The following NDUFAF6 variants were observed in gnomAD, a reference collection of about 807,000 sequenced individuals.
NDUFAF6 encodes NADH dehydrogenase (ubiquinone) complex I, assembly factor 6.
In NDUFAF6, 45 loss-of-function variants were observed where a neutral mutation model predicts 40.8. The observed-to-expected ratio is 1.10, with a 90% CI of 0.87 to 1.42. The LOEUF (loss-of-function observed/expected upper bound fraction) is 1.42, where lower values mean the gene tolerates loss of function less well. Ranked by LOEUF, NDUFAF6 falls within the 40% of genes most tolerant of loss-of-function variation. The probability of loss-of-function intolerance (pLI) is 0.00; values close to 1 mark genes in which losing one functional copy is unlikely to be tolerated. For missense variants in NDUFAF6, 435 were observed against 418.5 expected (o/e 1.04, Z -0.34); for synonymous variants, 185 against 155.9 (o/e 1.19, Z -1.39).
intron 1 of NDUFAF6, chr8:94,940,267 C>G (rs1344178282): frequency 6.5e-7 from 1 of 1,538,266 alleles, no homozygotes; most frequent in Non-Finnish European, 8.7e-7. Flanking sequence ...TTGAAGAGTC[C>G]CACAGGAGGA....
chr8:95,115,357 A>AT (rs1810110119), intron 4 of NDUFAF6, among the ~76,000 whole-genome samples: 1 of 152,172 alleles, frequency 6.6e-6, no homozygotes, highest in Admixed American at 6.5e-5. Context: ...TCCACTTACT[A>AT]TGCTATTTCT....
At chr8:94,984,468 C>G (rs970348135) in intron 2 of NDUFAF6, among the ~76,000 whole-genome samples, 3 of 152,140 alleles carry the variant, frequency 2.0e-5, no homozygotes, top group African/African-American at 7.2e-5. Flanking sequence ...TGTGTAATAT[C>G]ACTTTACTCA....
At chr8:94,928,346 T>C (rs998009733) in intron 1 of NDUFAF6, 1 of 152,246 alleles carries the variant, frequency 6.6e-6, no homozygotes, top group Non-Finnish European at 1.5e-5. Flanking sequence ...TTACATGCAA[T>C]GTATGAAAAA....
At chr8:94,897,474 T>G (rs946140265) in intron 1 of NDUFAF6, among the ~76,000 whole-genome samples, 1 of 152,204 alleles carries the variant, frequency 6.6e-6, no homozygotes, top group African/African-American at 2.4e-5. Flanking sequence ...TAGCTTGCTC[T>G]TTTCCTACTT....
chr8:94,940,032 G>T (rs774971238), intron 1 of NDUFAF6: 2 of 1,614,192 alleles, frequency 1.2e-6, no homozygotes, highest in South Asian at 1.1e-5. Context: ...AAACATGGGG[G>T]TGGGGTGATA....
intron 1 of NDUFAF6, among the ~76,000 whole-genome samples, chr8:94,961,558 A>G (rs1025873126): frequency 6.6e-6 from 1 of 152,190 alleles, no homozygotes; most frequent in Non-Finnish European, 1.5e-5. Context: ...GGTAGCTAGG[A>G]CTACAGGCGC....
intron 1 of NDUFAF6, among the ~76,000 whole-genome samples, chr8:94,909,348 C>CAAAAAAAAAAAAAAAAAAAAAAA (rs556065794): frequency 1.1e-5 from 1 of 91,924 alleles, no homozygotes; most frequent in Non-Finnish European, 2.0e-5. Flanking sequence ...GACTCCGTCT[C>CAAAAAAAAAAAAAAAAAAAAAAA]AAAAAAAAAA....
chr8:95,067,754 C>T (rs1208354034), intron 9 of NDUFAF6: 1 of 152,130 alleles, frequency 6.6e-6, no homozygotes, highest in Non-Finnish European at 1.5e-5. Flanking sequence ...CCTCTGACAC[C>T]ACCCCAGCAG....
chr8:95,066,084 A>G (rs1234842172), intron 9 of NDUFAF6, among the ~76,000 whole-genome samples: 2 of 152,072 alleles, frequency 1.3e-5, no homozygotes, highest in Admixed American at 6.6e-5. Flanking sequence ...ATATATCTGT[A>G]CTCAATTTCT....
chr8:94,933,584 G>A (rs920103475), intron 1 of NDUFAF6, among the ~76,000 whole-genome samples: 2 of 152,074 alleles, frequency 1.3e-5, no homozygotes, highest in Admixed American at 6.5e-5. Context: ...AATCAACATG[G>A]TGAAACCCTG....
chr8:95,045,570 A>G lies in NDUFAF6; in HGVS notation c.503A>G (p.Tyr168Cys). The G allele has an allele frequency of 6.2e-7, 1 of 1,613,428 alleles. No individual in the cohort carries two copies. Among genetic ancestry groups the G allele is most frequent in the Non-Finnish European group, 8.5e-7 (1 of 1,179,582 alleles). The change falls in exon 5 of 9, where the codon TAT becomes TGT. Residue 168 changes from tyrosine to cysteine, a missense_variant. Coordinates refer to ENST00000396124, the MANE Select transcript of NDUFAF6 (RefSeq NM_152416.4). The part of the protein sequence containing the change: ...EREKNLDDKA[Y>C]RNIKELENYA... ...GAAAAAAATCTGGATGACAAAGCAT[A>G]TCGTAATATCAAGGAACTGGAAAAT... is the stretch of plus-strand genomic sequence containing the variant.
chr8:95,081,436 C>T (rs59493344), intron 2 of NDUFAF6, among the ~76,000 whole-genome samples: 6,703 of 152,036 alleles, frequency 0.044, 458 homozygotes, highest in African/African-American at 0.15. Flanking sequence ...TCCCGAAGTA[C>T]TGGGATTACA....
At chr8:95,056,225 C>T (rs1419010167) in intron 8 of NDUFAF6, among the ~76,000 whole-genome samples, 3 of 151,106 alleles carry the variant, frequency 2.0e-5, no homozygotes, top group Non-Finnish European at 4.4e-5. Flanking sequence ...CAAAGAATTT[C>T]TGGATTGTTT....
At chr8:95,078,677 A>ATG (rs1389166824), downstream of NDUFAF6, 1 of 148,352 alleles carries the variant, frequency 6.7e-6, no homozygotes, top group African/African-American at 2.5e-5. Flanking sequence ...ATATATATAT[A>ATG]TATATCCCCT....
At chr8:95,063,453 C>T (rs992063057), downstream of NDUFAF6, among the ~76,000 whole-genome samples, 5 of 152,000 alleles carry the variant, frequency 3.3e-5, no homozygotes, top group African/African-American at 1.2e-4. Context: ...AAAAATTATC[C>T]GGGCATGGTG....
rs555030446 is a variant in NDUFAF6 at position 94,978,961 on chromosome 8, C to T, written c.-198-1898C>T. On this transcript the variant is annotated intron_variant, in intron 1 of 9. Coordinates refer to the NDUFAF6 transcript ENST00000396111. ...AGTGTCATAATTAAATTGTGGTACA[C>T]CTAGTTGGTGTCCAAAGAGTTGGAG... is the stretch of plus-strand genomic sequence containing the variant. 2.8e-4 allele frequency among the ~76,000 whole-genome samples: 42 copies of T among 152,166 alleles called. 1 individual carries two copies. Among genetic ancestry groups the T allele is most frequent in the African/African-American group, 9.6e-4 (40 of 41,504 alleles).
intron 9 of NDUFAF6, among the ~76,000 whole-genome samples, chr8:95,065,385 A>G (rs1832678194): frequency 6.6e-6 from 1 of 152,154 alleles, no homozygotes; most frequent in Non-Finnish European, 1.5e-5. Context: ...TGGTGGGGAA[A>G]AATTTCCACA....
intron 8 of NDUFAF6, 26 bp from the exon 9 acceptor site, chr8:95,057,783 G>C (rs1351078579): frequency 6.4e-7 from 1 of 1,556,006 alleles, no homozygotes; most frequent in Non-Finnish European, 8.8e-7. Context: ...TTTATGATCT[G>C]GTGATCACTA....
chr8:94,917,619 G>A (rs763090031), intron 1 of NDUFAF6, among the ~76,000 whole-genome samples: 3 of 152,020 alleles, frequency 2.0e-5, no homozygotes, highest in Non-Finnish European at 4.4e-5. Context: ...GAATCTCTCA[G>A]TCTTAGAAAA....
Sources: gnomAD v4.1 joint callset for allele counts (sites outside exome capture counted in the v4.1 genomes callset) on GRCh38, gnomAD v4.1.1 for gene constraint, MANE v1.5 for transcripts, NCBI Gene and HGNC (gene_info 2026-07-23, HGNC 2026-07-21) for gene names.